The following LURAP1L variants were observed in gnomAD, a reference collection of about 807,000 sequenced individuals.
LURAP1L encodes leucine rich adaptor protein 1 like, also known as leucine rich adaptor protein 1-like.
A neutral mutation model predicts 13.8 loss-of-function variants in LURAP1L; 12 were observed. That is an observed-to-expected ratio of 0.87 (90% CI 0.56 to 1.41). The LOEUF is 1.41. LURAP1L is among the 40% of genes most tolerant of loss of function. LURAP1L has a pLI of 0.00. For missense variants in LURAP1L, 375 were observed against 292.9 expected (o/e 1.28, Z -2.04); for synonymous variants, 139 against 119.2 (o/e 1.17, Z -1.08).
At chr9:12,777,510 T>G in intron 1 of LURAP1L, 5 of 983,642 alleles carry the variant, frequency 5.1e-6, no homozygotes, top group Non-Finnish European at 4.8e-6. Context: ...TAACCATGTC[T>G]TCTGTAATTT....
chr9:12,820,514 CAA>C (rs1160341281), intron 1 of LURAP1L, among the ~76,000 whole-genome samples: 142 of 41,712 alleles, frequency 3.4e-3, no homozygotes, highest in African/African-American at 0.011. Flanking sequence ...CCCCCCCCCC[CAA>C]AAAAAAAAAA....
Position 12,821,928 on chromosome 9 carries a change from A to G in LURAP1L, c.*168A>G. On this transcript the variant is annotated 3_prime_UTR_variant, in exon 2 of 2. Transcript: ENST00000319264. ...TGTTGCTCCTAATACTTCTCATCTG[A>G]GCTGATTTATTTTTCTCTGTTACAT... The G allele has an allele frequency of 3.0e-6, 2 of 675,942 alleles. No individual in the cohort carries two copies. Among genetic ancestry groups the G allele is most frequent in the Non-Finnish European group, 4.7e-6 (2 of 422,744 alleles). 41.9% of individuals were successfully genotyped at this position (675,942 alleles called of 1,614,324 possible).
rs143165682 is a variant in LURAP1L at position 12,801,201 on chromosome 9, T to C, written c.313-20185T>C. Among the ~76,000 whole-genome samples, 90 of 152,178 alleles carry C rather than the reference T, an allele frequency of 5.9e-4. 2 individuals carry two copies. In the East Asian group the frequency reaches 0.017, roughly 28 times the overall value. ...GTAGCAATTATATTGCAATTTCACA[T>C]GGCACCATTCATCCAAGAGCATCCA... On this transcript the variant is annotated intron_variant, in intron 1 of 1. Coordinates refer to ENST00000319264, the MANE Select transcript of LURAP1L (RefSeq NM_203403.2).
Position 12,820,186 on chromosome 9 carries a change from C to T in LURAP1L, c.313-1200C>T, listed in dbSNP as rs16929622. 2.3e-3 allele frequency among the ~76,000 whole-genome samples: 345 copies of T among 152,180 alleles called. 15 individuals carry two copies. In the East Asian group the frequency reaches 0.059, roughly 26 times the overall value. Reference sequence around the variant, plus strand: ...TTTGTGGCTGTGGAGATAGATATCCCTGAAGTAACTTAGAGCTATCAGAAG... The same window carrying T: ...TTTGTGGCTGTGGAGATAGATATCCTTGAAGTAACTTAGAGCTATCAGAAG... On this transcript the variant is annotated intron_variant, in intron 1 of 1. Coordinates refer to ENST00000319264, the MANE Select transcript of LURAP1L (RefSeq NM_203403.2).
At chr9:12,802,302 G>C (rs1819598022) in intron 1 of LURAP1L, among the ~76,000 whole-genome samples, 1 of 152,146 alleles carries the variant, frequency 6.6e-6, no homozygotes, top group Non-Finnish European at 1.5e-5. Context: ...TTCATCCCCA[G>C]TGGTGGAGGT....
At chr9:12,791,749 A>G (rs1819443927) in intron 1 of LURAP1L, among the ~76,000 whole-genome samples, 1 of 151,628 alleles carries the variant, frequency 6.6e-6, no homozygotes, top group South Asian at 2.1e-4. Flanking sequence ...TTCTTAAGAA[A>G]TTTGCACATG....
At position 12,799,868 on chromosome 9, in the gene LURAP1L, C is replaced by T. The variant is rs369445500; in HGVS notation, c.313-21518C>T. 5.6e-3 allele frequency among the ~76,000 whole-genome samples: 722 copies of T among 128,992 alleles called. 4 individuals carry two copies. The highest frequency in any genetic ancestry group is 0.028 in the South Asian group (122 of 4,314). The allele number at this position is 128,992 out of a possible 152,430, so 84.6% of individuals were successfully genotyped here. Reference sequence around the variant, plus strand: ...CAGCCTGGGCGACAGAGCGAGACTCCGTCTCAAAAAAAAAAAAAAAAAAGC... The same window carrying T: ...CAGCCTGGGCGACAGAGCGAGACTCTGTCTCAAAAAAAAAAAAAAAAAAGC... On this transcript the variant is annotated intron_variant, in intron 1 of 1. Transcript: ENST00000319264.
intron 1 of LURAP1L, among the ~76,000 whole-genome samples, chr9:12,807,091 T>TAA (rs1404657684): frequency 1.0e-5 from 1 of 99,280 alleles, no homozygotes; most frequent in Admixed American, 1.2e-4. Context: ...CTGTCTCTAC[T>TAA]AAAATATATA....
At chr9:12,803,318 C>T (rs1036544019) in intron 1 of LURAP1L, among the ~76,000 whole-genome samples, 3 of 152,176 alleles carry the variant, frequency 2.0e-5, no homozygotes, top group Admixed American at 2.0e-4. Context: ...AGATGATCCT[C>T]AATATTCTTA....
intron 1 of LURAP1L, among the ~76,000 whole-genome samples, chr9:12,810,310 C>T (rs568593245): frequency 3.9e-4 from 60 of 152,264 alleles, no homozygotes; most frequent in African/African-American, 1.4e-3. Flanking sequence ...AGTTAGTGTT[C>T]CTACAGAAAG....
chr9:12,801,372 G>T (rs1418056429), intron 1 of LURAP1L, among the ~76,000 whole-genome samples: 1 of 151,796 alleles, frequency 6.6e-6, no homozygotes, highest in East Asian at 1.9e-4. Context: ...TGTGAATGAG[G>T]AATTAGAGAA....
chr9:12,807,118 T>TATATATATATATATATATATATATATA (rs1563896115), intron 1 of LURAP1L, among the ~76,000 whole-genome samples: 15 of 133,716 alleles, frequency 1.1e-4, no homozygotes, highest in Admixed American at 2.5e-4. Flanking sequence ...TATATATATA[T>TATATATATATATATATATATATATATA]TAGCCGGGCG....
chr9:12,787,718 A>G (rs1376866804), intron 1 of LURAP1L, among the ~76,000 whole-genome samples: 1 of 152,184 alleles, frequency 6.6e-6, no homozygotes, highest in African/African-American at 2.4e-5. Flanking sequence ...TCAAAAGACA[A>G]TTCCATAATC....
chr9:12,784,826 G>C (rs553217718), intron 1 of LURAP1L, among the ~76,000 whole-genome samples: 4 of 149,716 alleles, frequency 2.7e-5, no homozygotes, highest in Non-Finnish European at 5.9e-5. Flanking sequence ...TGCTGTCTGG[G>C]AGGGAGGGTC....
chr9:12,803,719 T>A (rs975783385), intron 1 of LURAP1L, among the ~76,000 whole-genome samples: 2 of 152,178 alleles, frequency 1.3e-5, no homozygotes, highest in African/African-American at 2.4e-5. Flanking sequence ...TCTTAATAAA[T>A]GTAACATCAT....
In LURAP1L at chr9:12,781,720, G is replaced by A. The variant is rs1031506755; in HGVS notation, c.312+5693G>A. ...TGTGAATAGTGCTGCAATAGACACA[G>A]GAGTGAAGATATCTATTTGATATAT... On this transcript the variant is annotated intron_variant, in intron 1 of 1. Coordinates refer to ENST00000319264, the MANE Select transcript of LURAP1L (RefSeq NM_203403.2). 2.0e-5 allele frequency among the ~76,000 whole-genome samples: 3 copies of A among 152,212 alleles called. No individual in the cohort carries two copies. In the East Asian group the frequency reaches 5.8e-4, roughly 29 times the overall value.
chr9:12,798,712 T>C (rs1049233935), intron 1 of LURAP1L, among the ~76,000 whole-genome samples: 1 of 152,346 alleles, frequency 6.6e-6, no homozygotes, highest in Non-Finnish European at 1.5e-5. Flanking sequence ...CTGGCCATAG[T>C]CATTATCAGA....
chr9:12,807,399 A>G (rs1462161228), intron 1 of LURAP1L, among the ~76,000 whole-genome samples: 1 of 152,164 alleles, frequency 6.6e-6, no homozygotes, highest in African/African-American at 2.4e-5. Flanking sequence ...CATGAAATAT[A>G]AAGACCCTTT....
intron 1 of LURAP1L, chr9:12,790,589 A>C (rs1819427173): frequency 6.6e-6 from 1 of 152,158 alleles, no homozygotes; most frequent in Admixed American, 6.5e-5. Context: ...AGAAAAAAAT[A>C]AAGAAAATAA....
Sources: allele counts gnomAD v4.1 joint callset (sites outside exome capture counted in the v4.1 genomes callset), GRCh38; gene constraint gnomAD v4.1.1; transcripts MANE v1.5; gene names NCBI Gene and HGNC (gene_info 2026-07-23, HGNC 2026-07-21).